The following FAM120B variants were observed in gnomAD, a reference collection of about 807,000 sequenced individuals.
FAM120B encodes the protein constitutive coactivator of peroxisome proliferator-activated receptor gamma.
In FAM120B, 83 loss-of-function variants were observed where a neutral mutation model predicts 96.3. That is an observed-to-expected ratio of 0.86 (90% CI 0.72 to 1.03). The LOEUF (loss-of-function observed/expected upper bound fraction) is 1.03. Ranked by LOEUF, FAM120B falls within the 50% of genes least tolerant of loss-of-function variation. The pLI is 0.00. For synonymous variants in FAM120B, 407 were observed against 402.7 expected (o/e 1.01, Z -0.13); for missense variants, 1,027 against 1,121.2 (o/e 0.92, Z 1.20).
intron 5 of FAM120B, among the ~76,000 whole-genome samples, chr6:170,351,193 C>A (rs1317077624): frequency 6.6e-6 from 1 of 152,140 alleles, no homozygotes. Flanking sequence ...ACGGAGGAAT[C>A]TCAGAGCTCG....
At position 170,330,498 on chromosome 6, in the gene FAM120B, G is replaced by A; in HGVS notation, c.1965G>A (p.Gly655=). The A allele has an allele frequency of 1.2e-6, 2 of 1,614,132 alleles. No homozygotes were observed. The highest frequency in any genetic ancestry group is 8.5e-7 in the Non-Finnish European group (1 of 1,180,024). The change falls in exon 4 of 11, where the codon GGG becomes GGA. Residue 655 remains glycine (G), a synonymous_variant. Transcript: ENST00000476287. ...TCAAGGAGTGGTTTGTGTATCCTGGGAACCCACTGAGGCACCCGGACCTCG... is the reference window on the plus strand; with the variant it reads ...TCAAGGAGTGGTTTGTGTATCCTGGAAACCCACTGAGGCACCCGGACCTCG... ...LAVKEWFVYP[G]NPLRHPDLVR...
At position 170,319,093 on chromosome 6, in the gene FAM120B, T is replaced by A. The variant is rs1372563077; in HGVS notation, c.1703T>A (p.Val568Glu). Reference protein sequence around the residue: ...TNVGPEVKQQVTMVSDTEILK... With the variant: ...TNVGPEVKQQETMVSDTEILK... ...GTGGGGCCTGAAGTAAAGCAACAAG[T>A]AACCATGGTTTCAGACACTGAAATC... is the stretch of plus-strand genomic sequence containing the variant. Residue 568 changes from valine (V) to glutamate (E), a missense_variant, in exon 2 of 11, where the codon GTA (valine) becomes GAA (glutamate). This residue lies in a region of FAM120B where 880 missense variants were observed against 980.9 expected (regional missense o/e 0.90). Coordinates refer to ENST00000476287, the MANE Select transcript of FAM120B (RefSeq NM_032448.3). 6.3e-7 allele frequency: 1 copy of A among 1,577,898 alleles called. No individual in the cohort carries two copies. The highest frequency in any genetic ancestry group is 2.2e-5 in the East Asian group (1 of 44,480).
At chr6:170,316,924 G>A (rs1784936034) in intron 1 of FAM120B, among the ~76,000 whole-genome samples, 1 of 152,134 alleles carries the variant, frequency 6.6e-6, no homozygotes, top group Non-Finnish European at 1.5e-5. Context: ...GAATCATAGT[G>A]TGTACTTTTT....
chr6:170,332,750 G>A (rs964529045), intron 4 of FAM120B, among the ~76,000 whole-genome samples: 2 of 152,042 alleles, frequency 1.3e-5, no homozygotes, highest in African/African-American at 4.8e-5. Context: ...CACCTGTCAG[G>A]AAAACCTGCA....
At chr6:170,321,028 T>C (rs923968395) in intron 2 of FAM120B, among the ~76,000 whole-genome samples, 1 of 151,774 alleles carries the variant, frequency 6.6e-6, no homozygotes, top group African/African-American at 2.4e-5. Flanking sequence ...CGACAGGGAG[T>C]TTGGCAGTGG....
chr6:170,356,190 A>G (rs1787940236), intron 5 of FAM120B, among the ~76,000 whole-genome samples: 1 of 152,162 alleles, frequency 6.6e-6, no homozygotes, highest in Non-Finnish European at 1.5e-5. Flanking sequence ...GAAAATTTCC[A>G]CTTTACCTTT....
intron 3 of FAM120B, among the ~76,000 whole-genome samples, chr6:170,326,209 G>A (rs998104340): frequency 6.6e-6 from 1 of 152,114 alleles, no homozygotes; most frequent in Non-Finnish European, 1.5e-5. Context: ...TTAACATCAG[G>A]TACAATGCTA....
upstream of FAM120B, among the ~76,000 whole-genome samples, chr6:170,304,484 G>A (rs1784210539): frequency 6.6e-6 from 1 of 151,158 alleles, no homozygotes; most frequent in South Asian, 2.1e-4. Context: ...GACCTGGGAA[G>A]ATTTTCCTTC....
At chr6:170,300,932 G>A (rs1216486811) in intron 1 of FAM120B, among the ~76,000 whole-genome samples, 1 of 152,226 alleles carries the variant, frequency 6.6e-6, no homozygotes, top group Admixed American at 6.5e-5. Flanking sequence ...CTGGCATAGA[G>A]CGTCTGCAGC....
intron 6 of FAM120B, among the ~76,000 whole-genome samples, chr6:170,366,545 C>T (rs1190590442): frequency 3.9e-5 from 6 of 152,140 alleles, no homozygotes; most frequent in East Asian, 1.9e-4. Flanking sequence ...GGCCTACACC[C>T]GTCAGGGGCC....
chr6:170,374,652 A>G (rs1026158673), intron 6 of FAM120B, among the ~76,000 whole-genome samples: 5 of 152,212 alleles, frequency 3.3e-5, no homozygotes, highest in Admixed American at 3.3e-4. Context: ...TTCAAGAGCA[A>G]ACTTTTCAGT....
At chr6:170,321,750 A>G (rs969398816) in intron 2 of FAM120B, among the ~76,000 whole-genome samples, 8 of 152,180 alleles carry the variant, frequency 5.3e-5, no homozygotes, top group African/African-American at 1.9e-4. Context: ...TGCTTTTCTT[A>G]TATTGACTCA....
At chr6:170,322,965 C>A in intron 2 of FAM120B, 114 bp from the exon 3 acceptor site, 1 of 827,278 alleles carries the variant, frequency 1.2e-6, no homozygotes, top group South Asian at 2.0e-5. Context: ...GGGTCAGTTA[C>A]ATTTCTGAGG....
At chr6:170,399,701 C>G (rs1431755841) in intron 9 of FAM120B, among the ~76,000 whole-genome samples, 7 of 146,066 alleles carry the variant, frequency 4.8e-5, no homozygotes, top group Non-Finnish European at 7.5e-5. Context: ...TGTCATAACT[C>G]TTAGAAGTGA....
rs1043420807 is a variant in FAM120B at position 170,337,902 on chromosome 6, T to C, written c.2017+7352T>C. On this transcript the variant is annotated intron_variant, in intron 4 of 10. Coordinates refer to ENST00000476287, the MANE Select transcript of FAM120B (RefSeq NM_032448.3). ...TCCCCTTTATCATTTTTATTGTGTC[T>C]GTTTGATTATTCTCTGTTTTCTTAT... 2.0e-5 allele frequency among the ~76,000 whole-genome samples: 3 copies of C among 152,176 alleles called. No individual in the cohort carries two copies. The East Asian group carries it at 5.8e-4, about 29-fold the overall frequency.
upstream of FAM120B, chr6:170,290,951 C>A: frequency 1.4e-6 from 1 of 700,364 alleles, no homozygotes; most frequent in Non-Finnish European, 2.6e-6. This position sits in a 1 kb window ranked among gnomAD's most constrained non-coding sequence, Gnocchi z 4.7. Flanking sequence ...CGCCTGCCGC[C>A]CTTATATTCA....
At chr6:170,380,305 C>T (rs1370466376) in intron 6 of FAM120B, among the ~76,000 whole-genome samples, 1 of 152,072 alleles carries the variant, frequency 6.6e-6, no homozygotes, top group African/African-American at 2.4e-5. Flanking sequence ...TAGAGTGCTG[C>T]AGGAAACATG....
At chr6:170,342,787 G>C (rs1744144399) in intron 4 of FAM120B, among the ~76,000 whole-genome samples, 1 of 152,210 alleles carries the variant, frequency 6.6e-6, no homozygotes, top group South Asian at 2.1e-4. Flanking sequence ...GGGTGACCTG[G>C]GGACCAGATT....
chr6:170,328,428 G>C (rs935464191), intron 3 of FAM120B, among the ~76,000 whole-genome samples: 2 of 152,144 alleles, frequency 1.3e-5, no homozygotes, highest in Non-Finnish European at 2.9e-5. Flanking sequence ...CTTTCTTTGG[G>C]GGGGTATAGT....
Sources: allele counts gnomAD v4.1 joint callset (sites outside exome capture counted in the v4.1 genomes callset), GRCh38; gene constraint gnomAD v4.1.1; regional missense constraint gnomAD v4.1.1; non-coding constraint Gnocchi (gnomAD v3.1); transcripts MANE v1.5; gene names NCBI Gene and HGNC (gene_info 2026-07-23, HGNC 2026-07-21).